Variants in RNF157 observed in about 807,000 individuals in gnomAD.
The protein encoded by RNF157 is E3 ubiquitin ligase RNF157.
In RNF157, 55 loss-of-function variants were observed where a neutral mutation model predicts 88.3. The observed-to-expected ratio is 0.62, with a 90% CI of 0.50 to 0.78. RNF157 has a LOEUF of 0.78. RNF157 is among the 30% of genes least tolerant of loss of function. The pLI is 0.00. For missense variants in RNF157, 788 were observed against 860.8 expected (o/e 0.92, Z 1.06); for synonymous variants, 334 against 341.2 (o/e 0.98, Z 0.23).
At chr17:76,184,416 T>C (rs2069247741) in intron 2 of RNF157, among the ~76,000 whole-genome samples, 1 of 152,146 alleles carries the variant, frequency 6.6e-6, no homozygotes, top group African/African-American at 2.4e-5. Context: ...CTGCTTCCCT[T>C]CTCCTGAGAT....
At chr17:76,148,656 C>G (rs938793117) in intron 18 of RNF157, among the ~76,000 whole-genome samples, 17 of 151,386 alleles carry the variant, frequency 1.1e-4, no homozygotes, top group African/African-American at 4.1e-4. Context: ...CTGCAACCTC[C>G]GGTTCCCAGG....
chr17:76,155,184 AT>A (rs1351025468), intron 16 of RNF157, 67 bp downstream of exon 16: 12 of 1,416,732 alleles, frequency 8.5e-6, no homozygotes, highest in African/African-American at 2.8e-5. Context: ...CCTTACTGGC[AT>A]CCCCAGCCAA....
chr17:76,212,541 T>C, intron 1 of RNF157, 59 bp from the exon 2 acceptor site: 1 of 880,672 alleles, frequency 1.1e-6, no homozygotes, highest in South Asian at 1.6e-5. Context: ...CTAAATCTAG[T>C]AAAAAAAAAA....
chr17:76,217,132 T>C (rs571131978), intron 1 of RNF157, among the ~76,000 whole-genome samples: 1 of 152,256 alleles, frequency 6.6e-6, no homozygotes, highest in South Asian at 2.1e-4. Context: ...TGCAAGATTG[T>C]ATGAATTAAA....
At chr17:76,148,779 C>G (rs961073076) in intron 18 of RNF157, among the ~76,000 whole-genome samples, 2 of 152,074 alleles carry the variant, frequency 1.3e-5, no homozygotes, top group Non-Finnish European at 2.9e-5. Flanking sequence ...CTGCATTGCC[C>G]AGGCTGGTCT....
chr17:76,217,057 T>A (rs140545635), intron 1 of RNF157, among the ~76,000 whole-genome samples: 1 of 152,374 alleles, frequency 6.6e-6, no homozygotes, highest in East Asian at 1.9e-4. Flanking sequence ...GTTCAATCAC[T>A]CAATAATTCT....
At chr17:76,181,056 G>T (rs1422877344) in intron 2 of RNF157, among the ~76,000 whole-genome samples, 1 of 152,068 alleles carries the variant, frequency 6.6e-6, no homozygotes, top group South Asian at 2.1e-4. Context: ...AAAGATTCAC[G>T]TAATCATCCA....
intron 1 of RNF157, among the ~76,000 whole-genome samples, chr17:76,238,127 G>C (rs2070313436): frequency 6.6e-6 from 1 of 152,042 alleles, no homozygotes; most frequent in African/African-American, 2.4e-5. Flanking sequence ...AGGCATGGTG[G>C]TCATGGCCAA....
Position 76,176,885 on chromosome 17 carries a change from G to A in RNF157, c.208-3095C>T, listed in dbSNP as rs1355210553. Among the ~76,000 whole-genome samples, 2 of 152,170 alleles carry A rather than the reference G, an allele frequency of 1.3e-5. No homozygotes were observed. The highest frequency in any genetic ancestry group is 2.9e-5 in the Non-Finnish European group (2 of 67,988). On this transcript the variant is annotated intron_variant, in intron 2 of 18. Coordinates refer to ENST00000269391, the MANE Select transcript of RNF157 (RefSeq NM_052916.3). This position sits in a 1 kb window ranked among gnomAD's most constrained non-coding sequence, Gnocchi z 4.2. Reference sequence around the variant, plus strand: ...CCGCTTCGGGCACCTGGCCATTGGCGCAGCCACTGTGCCCACCCTGCCGAG... The same window carrying A: ...CCGCTTCGGGCACCTGGCCATTGGCACAGCCACTGTGCCCACCCTGCCGAG...
At chr17:76,204,135 A>G (rs144081814) in intron 2 of RNF157, among the ~76,000 whole-genome samples, 216 of 152,000 alleles carry the variant, frequency 1.4e-3, no homozygotes, top group African/African-American at 4.7e-3. Context: ...TCCAGCCTCA[A>G]CTCCAACCAG....
At chr17:76,149,459 C>T (rs1040726682) in intron 18 of RNF157, among the ~76,000 whole-genome samples, 5 of 152,014 alleles carry the variant, frequency 3.3e-5, no homozygotes, top group Middle Eastern at 3.2e-3. Flanking sequence ...GGCGCCAAGA[C>T]GGCCAGTGGT....
At chr17:76,175,527 G>C (rs1164467278) in intron 2 of RNF157, among the ~76,000 whole-genome samples, 5 of 152,130 alleles carry the variant, frequency 3.3e-5, no homozygotes, top group African/African-American at 9.7e-5. Flanking sequence ...TCTGTGGCCT[G>C]TTTCTCCTCC....
chr17:76,145,320 C>T lies in RNF157; in HGVS notation c.1955G>A (p.Arg652Gln), dbSNP rs190235226. Reference protein sequence around the residue: ...AWQADDNAVSRNAQRRRLSSS... With the variant: ...AWQADDNAVSQNAQRRRLSSS... The stretch of plus-strand genomic sequence containing the variant: ...TGACAAGCGCCGGCGCTGGGCATTC[C>T]GACTGACGGCATTGTCATCAGCCTG... The change falls in exon 19 of 19, where the codon CGG (arginine) becomes CAG (glutamine). Residue 652 changes from arginine (R) to glutamine (Q), a missense_variant. By Grantham distance (43) the Arg-to-Gln change is conservative (BLOSUM62 1). Coordinates refer to ENST00000269391, the MANE Select transcript of RNF157 (RefSeq NM_052916.3). 1.1e-5 allele frequency: 18 copies of T among 1,612,864 alleles called. No individual in the cohort carries two copies. The highest frequency in any genetic ancestry group is 1.0e-4 in the Admixed American group (6 of 59,916).
intron 3 of RNF157, among the ~76,000 whole-genome samples, chr17:76,169,312 T>C (rs2068976587): frequency 2.0e-5 from 3 of 152,196 alleles, no homozygotes; most frequent in African/African-American, 7.2e-5. Context: ...ATTTTTTTGG[T>C]TTCATAAACA....
At chr17:76,224,657 AAAG>A (rs1458877595) in intron 1 of RNF157, among the ~76,000 whole-genome samples, 9 of 152,090 alleles carry the variant, frequency 5.9e-5, no homozygotes, top group East Asian at 3.8e-4. Context: ...CACACTGGAA[AAAG>A]AAGAATGGTC....
At chr17:76,166,951 A>T (rs927379360) in intron 5 of RNF157, 58 bp downstream of exon 5, 16 of 1,199,984 alleles carry the variant, frequency 1.3e-5, no homozygotes, top group Non-Finnish European at 1.9e-5. Context: ...ACCGAGTCCT[A>T]AGTAGCCCCT....
Position 76,212,457 on chromosome 17 carries a change from A to T in RNF157, c.114T>A (p.Ile38=), listed in dbSNP as rs2069818457. ...KSGSYFASHF[I]MGGEKFDSTH... is the part of the protein sequence containing the mutation. ...TTGAGTCAAACTTCTCTCCTCCCAT[A>T]ATGAAGTGGCTGGCAAAATAGCTTC... Residue 38 remains isoleucine (I), a synonymous_variant, in exon 2 of 19, where the codon ATT becomes ATA. Transcript: ENST00000269391. 6.2e-7 allele frequency: 1 copy of T among 1,613,586 alleles called. No homozygotes were observed. The highest frequency in any genetic ancestry group is 2.2e-5 in the East Asian group (1 of 44,872).
intron 12 of RNF157, among the ~76,000 whole-genome samples, chr17:76,158,993 G>A (rs1213115906): frequency 5.3e-5 from 8 of 152,110 alleles, no homozygotes; most frequent in Admixed American, 3.3e-4. Flanking sequence ...TAAGAGATAC[G>A]GATCACAAGG....
intron 1 of RNF157, among the ~76,000 whole-genome samples, chr17:76,233,078 G>A (rs1200865049): frequency 2.0e-5 from 3 of 151,976 alleles, no homozygotes; most frequent in African/African-American, 4.8e-5. Flanking sequence ...CGGCCACCAC[G>A]CCCAGCTAAT....
Sources: allele counts gnomAD v4.1 joint callset (sites outside exome capture counted in the v4.1 genomes callset), GRCh38; gene constraint gnomAD v4.1.1; non-coding constraint Gnocchi (gnomAD v3.1); transcripts MANE v1.5; gene names NCBI Gene and HGNC (gene_info 2026-07-23, HGNC 2026-07-21).